Variants in THSD7A observed in about 807,000 individuals in gnomAD.
The protein encoded by THSD7A is thrombospondin type-1 domain-containing protein 7A.
Under a neutral mutation model 231.3 loss-of-function variants are expected in THSD7A, and 96 were observed. The observed-to-expected ratio is 0.41, with a 90% CI of 0.35 to 0.49. The LOEUF (loss-of-function observed/expected upper bound fraction) is 0.49. THSD7A is among the 20% of genes least tolerant of loss of function. THSD7A has a pLI of 0.05. For missense variants in THSD7A, 2,290 were observed against 2,070.2 expected (o/e 1.11, Z -2.06); for synonymous variants, 940 against 743.3 (o/e 1.26, Z -4.30).
At chr7:11,717,290 T>A (rs555751364) in intron 1 of THSD7A, among the ~76,000 whole-genome samples, 1 of 151,708 alleles carries the variant, frequency 6.6e-6, no homozygotes, top group Non-Finnish European at 1.5e-5. Context: ...AATAACCACA[T>A]GCACTGGGAT....
At chr7:11,419,848 A>G (rs1784086361) in intron 16 of THSD7A, among the ~76,000 whole-genome samples, 1 of 152,212 alleles carries the variant, frequency 6.6e-6, no homozygotes, top group East Asian at 1.9e-4. Flanking sequence ...AGTAAAGCCC[A>G]CTTTTGCTAT....
intron 1 of THSD7A, among the ~76,000 whole-genome samples, chr7:11,743,151 T>G (rs982106250): frequency 5.3e-5 from 8 of 151,934 alleles, no homozygotes; most frequent in Non-Finnish European, 7.4e-5. Flanking sequence ...TCATTAACAT[T>G]TACGAACACA....
At chr7:11,642,365 T>C (rs971937723) in intron 1 of THSD7A, among the ~76,000 whole-genome samples, 2 of 152,150 alleles carry the variant, frequency 1.3e-5, no homozygotes, top group Non-Finnish European at 2.9e-5. Context: ...TGGAATCTGA[T>C]TGAGCAAAAT....
rs536177295 is a variant in THSD7A, at chr7:11,831,843, AGCAGCGGCAGCGGCAGCG to A, written c.86_103del (p.Pro29_Leu34del). 9 of 1,359,972 alleles carry A rather than the reference AGCAGCGGCAGCGGCAGCG, an allele frequency of 6.6e-6. No homozygotes were observed. The highest frequency in any genetic ancestry group is 4.1e-5 in the South Asian group (2 of 48,394). The allele number at this position is 1,359,972 out of a possible 1,614,324, so 84.2% of individuals were successfully genotyped here. ...GCCCGGGCGTAGCAGCAGCAGCAGG[AGCAGCGGCAGCGGCAGCG>A]GCAGCGGCAGCAGCTGCAGGACGCC... On this transcript the variant is annotated inframe_deletion, in exon 1 of 28. Transcript: ENST00000423059. This position sits in a 1 kb window ranked among gnomAD's most constrained non-coding sequence, Gnocchi z 5.0.
Position 11,693,886 on chromosome 7 carries a change from T to G in THSD7A, c.191-56925A>C, listed in dbSNP as rs10499417. On this transcript the variant is annotated intron_variant, in intron 1 of 27. Coordinates refer to ENST00000423059, the MANE Select transcript of THSD7A (RefSeq NM_015204.3). ...ATATGATACTTACAACTAATTAGGA[T>G]ATCTCTATTTTACTTATTCCATGAC... Among the ~76,000 whole-genome samples, 1,183 of 151,664 alleles carry G rather than the reference T, an allele frequency of 7.8e-3. 62 individuals are homozygous for G. Among genetic ancestry groups the G allele is most frequent in the Admixed American group, 0.067 (1,021 of 15,182 alleles).
At chr7:11,562,782 C>G (rs426) in intron 4 of THSD7A, among the ~76,000 whole-genome samples, 85,629 of 151,912 alleles carry the variant, frequency 0.56, 24,351 homozygotes, top group Middle Eastern at 0.67. Flanking sequence ...CTCTTTGCAA[C>G]TCCCTGCCAT....
At chr7:11,811,870 A>G (rs940196906) in intron 1 of THSD7A, among the ~76,000 whole-genome samples, 5 of 152,204 alleles carry the variant, frequency 3.3e-5, no homozygotes, top group African/African-American at 1.2e-4. Flanking sequence ...TTTAAAGGAC[A>G]CAGTGAAAGT....
At chr7:11,467,280 G>A (rs1026965986) in intron 9 of THSD7A, among the ~76,000 whole-genome samples, 1 of 152,022 alleles carries the variant, frequency 6.6e-6, no homozygotes, top group Admixed American at 6.6e-5. Context: ...TATTTGCTCT[G>A]ACATGATTAT....
intron 6 of THSD7A, among the ~76,000 whole-genome samples, chr7:11,488,540 C>A (rs1211524341): frequency 6.6e-6 from 1 of 151,922 alleles, no homozygotes; most frequent in African/African-American, 2.4e-5. Context: ...AGAAAGTTTC[C>A]AAGTCAATTT....
rs758588517 is a variant in THSD7A at position 11,542,953 on chromosome 7, G to A, written c.1609+9C>T. 10 of 1,612,054 alleles carry A rather than the reference G, an allele frequency of 6.2e-6. No individual in the cohort carries two copies. The highest frequency in any genetic ancestry group is 5.5e-5 in the South Asian group (5 of 90,634). ...GGTATAAAAGGCATGTCATGGTCAC[G>A]TTACCTACCTTTTTTCCCTTGCTGA... is the stretch of plus-strand genomic sequence containing the variant. On this transcript the variant is annotated intron_variant, in intron 5 of 27. Transcript: ENST00000423059.
intron 1 of THSD7A, among the ~76,000 whole-genome samples, chr7:11,769,306 G>T (rs905010377): frequency 4.0e-5 from 6 of 150,356 alleles, no homozygotes; most frequent in Non-Finnish European, 5.9e-5. Flanking sequence ...CCATTTAATG[G>T]ATTTGAAAGC....
intron 4 of THSD7A, among the ~76,000 whole-genome samples, chr7:11,566,968 G>A (rs866359014): frequency 1.8e-5 from 1 of 55,922 alleles, no homozygotes; most frequent in Non-Finnish European, 3.2e-5. Context: ...GGGAGAGTGG[G>A]GGGGGGACTG....
At chr7:11,426,752 C>T in intron 14 of THSD7A, 81 bp from the exon 15 acceptor site, 1 of 1,408,510 alleles carries the variant, frequency 7.1e-7, no homozygotes, top group Non-Finnish European at 9.5e-7. Context: ...GAGAAGAACA[C>T]ATGGTAAGTT....
chr7:11,688,720 A>T (rs1049208860), intron 1 of THSD7A, among the ~76,000 whole-genome samples: 2 of 151,806 alleles, frequency 1.3e-5, no homozygotes, highest in African/African-American at 4.8e-5. Flanking sequence ...GGAGAGAGTA[A>T]CAAGAGGTGT....
At position 11,371,632 on chromosome 7, in the gene THSD7A, C is replaced by T. The variant is rs937599069; in HGVS notation, c.*4162G>A. ...TCTGTATGGTACTGAAAAGTACAGT[C>T]CTCCCTCACTGTCTTGTGGTGTGGA... On this transcript the variant is annotated 3_prime_UTR_variant, in exon 28 of 28. Transcript: ENST00000423059. The T allele has an allele frequency of 1.3e-5, 2 of 152,064 alleles. No individual in the cohort carries two copies. Among genetic ancestry groups the T allele is most frequent in the Admixed American group, 6.6e-5 (1 of 15,252 alleles). The allele number at this position is 152,064 out of a possible 1,614,324, so 9.4% of individuals were successfully genotyped here.
intron 6 of THSD7A, among the ~76,000 whole-genome samples, chr7:11,526,261 GTTC>G (rs1788469396): frequency 6.6e-6 from 1 of 152,068 alleles, no homozygotes; most frequent in African/African-American, 2.4e-5. Context: ...AATATCCCAA[GTTC>G]TTCTATACTT....
chr7:11,529,425 G>T (rs973917465), intron 6 of THSD7A, among the ~76,000 whole-genome samples: 1 of 152,060 alleles, frequency 6.6e-6, no homozygotes, highest in Admixed American at 6.6e-5. Context: ...TATGGTTTGC[G>T]TGTGTCCCGA....
chr7:11,559,365 A>G (rs1789984091), intron 4 of THSD7A, among the ~76,000 whole-genome samples: 2 of 152,296 alleles, frequency 1.3e-5, no homozygotes, highest in South Asian at 4.1e-4. Flanking sequence ...TAATTGCAAG[A>G]TAGAAGACCT....
intron 2 of THSD7A, among the ~76,000 whole-genome samples, chr7:11,635,762 C>G (rs1378103202): frequency 6.6e-6 from 1 of 152,040 alleles, no homozygotes; most frequent in African/African-American, 2.4e-5. Flanking sequence ...TTTCTATTAG[C>G]TCACTAAAAT....
Sources: gnomAD v4.1 joint callset for allele counts (sites outside exome capture counted in the v4.1 genomes callset) on GRCh38, gnomAD v4.1.1 for gene constraint, Gnocchi (gnomAD v3.1) non-coding constraint, MANE v1.5 for transcripts, NCBI Gene and HGNC (gene_info 2026-07-23, HGNC 2026-07-21) for gene names.